The following SH3RF3 variants were observed in gnomAD, a reference collection of about 807,000 sequenced individuals.
SH3RF3 encodes E3 ubiquitin-protein ligase SH3RF3.
A neutral mutation model predicts 66.3 loss-of-function variants in SH3RF3; 29 were observed. The observed-to-expected ratio is 0.44, with a 90% CI of 0.33 to 0.60. The LOEUF (loss-of-function observed/expected upper bound fraction) is 0.60, where lower values mean the gene tolerates loss of function less well. SH3RF3 is among the 20% of genes least tolerant of loss of function. The pLI is 0.04. For synonymous variants in SH3RF3, 583 were observed against 532.0 expected (o/e 1.10, Z -1.32); for missense variants, 1,194 against 1,190.9 (o/e 1.00, Z -0.04).
chr2:109,405,660 G>A (rs1363836204), intron 4 of SH3RF3, among the ~76,000 whole-genome samples: 1 of 152,168 alleles, frequency 6.6e-6, no homozygotes, highest in East Asian at 1.9e-4. Flanking sequence ...CGCCCTTCCA[G>A]ACCATCTGAC....
chr2:109,301,151 G>C (rs1485709826), intron 1 of SH3RF3, among the ~76,000 whole-genome samples: 1 of 152,210 alleles, frequency 6.6e-6, no homozygotes, highest in African/African-American at 2.4e-5. Context: ...GCAAGCCTTA[G>C]ATTAGTCCAA....
At chr2:109,270,532 C>T (rs1294253791) in intron 1 of SH3RF3, among the ~76,000 whole-genome samples, 1 of 152,160 alleles carries the variant, frequency 6.6e-6, no homozygotes, top group Non-Finnish European at 1.5e-5. Flanking sequence ...CCCATCCATT[C>T]CTCTGTGATC....
chr2:109,466,423 G>A (rs1678347815), intron 8 of SH3RF3, among the ~76,000 whole-genome samples: 1 of 152,092 alleles, frequency 6.6e-6, no homozygotes. Context: ...TCTTTGCTGA[G>A]TTTTTAATTG....
chr2:109,354,299 A>G (rs1682900481), intron 2 of SH3RF3, among the ~76,000 whole-genome samples: 1 of 152,192 alleles, frequency 6.6e-6, no homozygotes, highest in Non-Finnish European at 1.5e-5. Context: ...CTGCAGGCCC[A>G]GAGGCTGAAG....
chr2:109,484,679 A>G (rs887209850), intron 8 of SH3RF3, among the ~76,000 whole-genome samples: 2 of 152,218 alleles, frequency 1.3e-5, no homozygotes, highest in African/African-American at 4.8e-5. Context: ...CTTAAATTAA[A>G]AAGAAACTCA....
intron 1 of SH3RF3, among the ~76,000 whole-genome samples, chr2:109,163,390 C>CTTTTTTTTT (rs70956302): frequency 1.4e-5 from 1 of 70,268 alleles, no homozygotes; most frequent in Non-Finnish European, 2.4e-5. Flanking sequence ...AGCAAATATT[C>CTTTTTTTTT]TTTTTTTTTT....
intron 8 of SH3RF3, among the ~76,000 whole-genome samples, chr2:109,456,586 G>T (rs554290917): frequency 6.6e-6 from 1 of 152,312 alleles, no homozygotes; most frequent in African/African-American, 2.4e-5. Flanking sequence ...GGCTTCTCTT[G>T]TTATCTGCGC....
intron 1 of SH3RF3, among the ~76,000 whole-genome samples, chr2:109,156,091 C>T (rs34539639): frequency 0.13 from 19,272 of 152,272 alleles, 1,340 homozygotes; most frequent in Non-Finnish European, 0.16. Flanking sequence ...TTGGCTGCCA[C>T]TTTGCAGGAT....
intron 1 of SH3RF3, among the ~76,000 whole-genome samples, chr2:109,245,960 G>A (rs1381107999): frequency 6.6e-6 from 1 of 152,154 alleles, no homozygotes; most frequent in Non-Finnish European, 1.5e-5. Context: ...CTGCTATAAT[G>A]AAAGTCTCTA....
At chr2:109,422,332 G>C (rs951850429) in intron 5 of SH3RF3, among the ~76,000 whole-genome samples, 1 of 152,176 alleles carries the variant, frequency 6.6e-6, no homozygotes, top group Non-Finnish European at 1.5e-5. Context: ...TGATCTTCAT[G>C]ATTGCATAGC....
intron 7 of SH3RF3, among the ~76,000 whole-genome samples, chr2:109,446,435 G>A (rs761310070): frequency 2.0e-5 from 3 of 152,160 alleles, no homozygotes; most frequent in Non-Finnish European, 4.4e-5. Context: ...AGCCTCCAGC[G>A]AACATGTAAA....
chr2:109,243,743 C>A (rs538803602), intron 1 of SH3RF3, among the ~76,000 whole-genome samples: 4 of 152,298 alleles, frequency 2.6e-5, no homozygotes, highest in East Asian at 1.9e-4. Flanking sequence ...TTTCAGAGAA[C>A]CTCGGGGTGG....
At chr2:109,345,393 G>C (rs1031449449) in intron 1 of SH3RF3, among the ~76,000 whole-genome samples, 2 of 152,012 alleles carry the variant, frequency 1.3e-5, no homozygotes, top group African/African-American at 4.8e-5. Flanking sequence ...CAGCGTGTAG[G>C]CAGGTGCAAA....
chr2:109,299,653 C>A (rs1681408799), intron 1 of SH3RF3, among the ~76,000 whole-genome samples: 1 of 152,132 alleles, frequency 6.6e-6, no homozygotes, highest in African/African-American at 2.4e-5. Context: ...CTTCCTTTGC[C>A]CTGTACTTGC....
chr2:109,283,259 C>T (rs1217750161), intron 1 of SH3RF3, among the ~76,000 whole-genome samples: 1 of 152,208 alleles, frequency 6.6e-6, no homozygotes, highest in Admixed American at 6.5e-5. Context: ...GCCATGGCCA[C>T]AGCCTTCCCC....
chr2:109,447,090 G>T (rs985881871), intron 7 of SH3RF3, among the ~76,000 whole-genome samples: 1 of 146,716 alleles, frequency 6.8e-6, no homozygotes, highest in South Asian at 2.2e-4. Flanking sequence ...ATGTGGAGCT[G>T]TGTTGGGTTA....
At chr2:109,335,418 C>T (rs1049023327) in intron 1 of SH3RF3, among the ~76,000 whole-genome samples, 4 of 152,178 alleles carry the variant, frequency 2.6e-5, no homozygotes, top group Non-Finnish European at 5.9e-5. Flanking sequence ...CTGGGAAGCC[C>T]GTACCTCTTC....
At chr2:109,408,496 C>T (rs766936848) in intron 4 of SH3RF3, among the ~76,000 whole-genome samples, 12 of 152,204 alleles carry the variant, frequency 7.9e-5, no homozygotes, top group Non-Finnish European at 1.2e-4. Flanking sequence ...GTTTGGGAGG[C>T]GAGAAAAACG....
intron 5 of SH3RF3, among the ~76,000 whole-genome samples, chr2:109,428,229 G>A (rs537911248): frequency 1.3e-5 from 2 of 152,354 alleles, no homozygotes; most frequent in African/African-American, 2.4e-5. Flanking sequence ...TTTAGAAGAC[G>A]TATGAGCAAG....
Sources: allele counts gnomAD v4.1 joint callset (sites outside exome capture counted in the v4.1 genomes callset), GRCh38; gene constraint gnomAD v4.1.1; transcripts MANE v1.5; gene names NCBI Gene and HGNC (gene_info 2026-07-23, HGNC 2026-07-21).